PGAP4: variants seen among roughly 807,000 people sequenced by gnomAD.
PGAP4 encodes GPI-N-acetylgalactosamine transferase PGAP4.
A neutral mutation model predicts 28.2 loss-of-function variants in PGAP4; 12 were observed. The observed-to-expected ratio is 0.42, with a 90% CI of 0.27 to 0.69. PGAP4 has a LOEUF of 0.69. Among genes scored for constraint, PGAP4 ranks in the 30% least tolerant of loss-of-function variants. PGAP4 has a pLI of 0.22. For synonymous variants in PGAP4, 205 were observed against 211.8 expected, an observed-to-expected ratio of 0.97 and a Z score of 0.28; for missense variants, 425 against 513.5, an observed-to-expected ratio of 0.83 and a Z score of 1.67.
At chr9:101,479,061 T>C (rs1451344008) in intron 1 of PGAP4, among the ~76,000 whole-genome samples, 1 of 152,100 alleles carries the variant, frequency 6.6e-6, no homozygotes, top group Non-Finnish European at 1.5e-5. Flanking sequence ...CTAAGAGATC[T>C]GGATAGTACC....
At chr9:101,480,929 C>A (rs62575806) in intron 1 of PGAP4, among the ~76,000 whole-genome samples, 2 of 152,180 alleles carry the variant, frequency 1.3e-5, no homozygotes, top group African/African-American at 4.8e-5. Flanking sequence ...GTAATCCCAG[C>A]ACTTTAGGAG....
rs1826282335 is a variant in PGAP4, at chr9:101,475,839, CT to C, written c.*41del. 6 of 1,566,050 alleles carry C rather than the reference CT, an allele frequency of 3.8e-6. No individual in the cohort carries two copies. Among genetic ancestry groups the C allele is most frequent in the Non-Finnish European group, 5.2e-6 (6 of 1,151,252 alleles). On this transcript the variant is annotated 3_prime_UTR_variant, in exon 2 of 2. Transcript: ENST00000374848. ...TAAATAAAGAGATAAATATTTGAAT[CT>C]TCAAGAAGTGGCCAACTTCAGAAAG... is the stretch of plus-strand genomic sequence containing the variant.
Position 101,476,328 on chromosome 9 carries a change from G to A in PGAP4, c.765C>T (p.Ile255=), listed in dbSNP as rs1826307208. ...LYHPERLQHY[I]NPEPMRILEW... is the part of the protein sequence containing the mutation. ...CCAGGATCCGCATGGGCTCTGGATT[G>A]ATGTAGTGCTGGAGCCTCTCGGGGT... The change falls in exon 2 of 2, where the codon ATC becomes ATT. Residue 255 remains isoleucine (I), a synonymous_variant. Transcript: ENST00000374848. The surrounding 1 kb of genome is among the most constrained non-coding windows in gnomAD (Gnocchi z 7.0). 6.2e-7 allele frequency: 1 copy of A among 1,614,114 alleles called. No individual in the cohort carries two copies. The highest frequency in any genetic ancestry group is 1.3e-5 in the African/African-American group (1 of 75,034).
At chr9:101,481,611 A>C (rs1317215948) in intron 1 of PGAP4, 2 of 152,104 alleles carry the variant, frequency 1.3e-5, no homozygotes, top group Admixed American at 1.3e-4. Context: ...AAGGACACAG[A>C]CTCTGAGAAA....
At chr9:101,525,863 G>A (rs1443858031) in intron 2 of PGAP4, among the ~76,000 whole-genome samples, 2 of 152,052 alleles carry the variant, frequency 1.3e-5, no homozygotes, top group African/African-American at 2.4e-5. Context: ...TTCTATATTC[G>A]AGGACATTTC....
At chr9:101,528,562 T>G (rs550090128) in intron 2 of PGAP4, among the ~76,000 whole-genome samples, 1 of 152,292 alleles carries the variant, frequency 6.6e-6, no homozygotes, top group Admixed American at 6.5e-5. Context: ...GTGATGCTGT[T>G]CTTTCTCCTC....
At chr9:101,528,017 G>A (rs1159207962) in intron 2 of PGAP4, among the ~76,000 whole-genome samples, 1 of 152,196 alleles carries the variant, frequency 6.6e-6, no homozygotes, top group Non-Finnish European at 1.5e-5. Context: ...ATTAGGTACT[G>A]TTGCCCCAAA....
rs906548262 is a variant in PGAP4, at chr9:101,475,109, A to G, written c.*772T>C. On this transcript the variant is annotated 3_prime_UTR_variant, in exon 2 of 2. Transcript: ENST00000374848. ...CTTGTAAAGAGCTCCCCTATATTGT[A>G]TCATTCTGAAATGTCCAATTTTCAA... 6.6e-6 allele frequency: 1 copy of G among 151,724 alleles called. No homozygotes were observed. Among genetic ancestry groups the G allele is most frequent in the Non-Finnish European group, 1.5e-5 (1 of 68,016 alleles). 9.4% of individuals were successfully genotyped at this position (151,724 alleles called of 1,614,324 possible).
intron 1 of PGAP4, among the ~76,000 whole-genome samples, chr9:101,481,176 T>C (rs969167150): frequency 2.7e-4 from 41 of 152,234 alleles, no homozygotes; most frequent in African/African-American, 9.4e-4. Flanking sequence ...AAACCCTGTC[T>C]CAAACAAAAA....
chr9:101,525,801 T>G (rs1827031489), intron 2 of PGAP4, among the ~76,000 whole-genome samples: 1 of 152,144 alleles, frequency 6.6e-6, no homozygotes, highest in Non-Finnish European at 1.5e-5. Context: ...ATTCTTATAT[T>G]TCAGTGTTAA....
upstream of PGAP4, among the ~76,000 whole-genome samples, chr9:101,489,415 C>T (rs1826666246): frequency 6.6e-6 from 1 of 151,948 alleles, no homozygotes; most frequent in South Asian, 2.1e-4. Flanking sequence ...TTAAAGAAAA[C>T]CAATAAGGCA....
intron 2 of PGAP4, among the ~76,000 whole-genome samples, chr9:101,513,177 T>C: frequency 6.6e-6 from 1 of 152,120 alleles, no homozygotes; most frequent in East Asian, 1.9e-4. Context: ...GAGCAGTGGC[T>C]AATATCTTGC....
intron 2 of PGAP4, among the ~76,000 whole-genome samples, chr9:101,498,401 CAA>C (rs1484075039): frequency 6.6e-6 from 1 of 151,554 alleles, no homozygotes; most frequent in Non-Finnish European, 1.5e-5. Flanking sequence ...GCTAATCAGG[CAA>C]ACCTAAATTT....
chr9:101,488,756 G>A (rs148717430), upstream of PGAP4, among the ~76,000 whole-genome samples: 111 of 152,222 alleles, frequency 7.3e-4, 1 homozygote, highest in East Asian at 0.02. Flanking sequence ...CAGTCCCTCA[G>A]TAGCACTAGC....
intron 2 of PGAP4, among the ~76,000 whole-genome samples, chr9:101,521,548 A>C (rs1826988449): frequency 6.6e-6 from 1 of 152,064 alleles, no homozygotes. Context: ...CAGTGGTGTC[A>C]GTTGTAATAT....
intron 2 of PGAP4, among the ~76,000 whole-genome samples, chr9:101,516,349 T>A (rs961248727): frequency 2.0e-5 from 3 of 152,210 alleles, no homozygotes; most frequent in African/African-American, 7.2e-5. Context: ...CATTTTTATT[T>A]GCAATAGTAG....
intron 2 of PGAP4, among the ~76,000 whole-genome samples, chr9:101,521,937 T>G (rs1826991785): frequency 6.6e-6 from 1 of 152,170 alleles, no homozygotes; most frequent in African/African-American, 2.4e-5. Flanking sequence ...TTTCAAATAA[T>G]TTTTAAATTT....
intron 2 of PGAP4, among the ~76,000 whole-genome samples, chr9:101,497,059 T>C (rs1826758098): frequency 6.6e-6 from 1 of 150,816 alleles, no homozygotes; most frequent in African/African-American, 2.4e-5. Flanking sequence ...TGGAATAATC[T>C]ATCTCATTTA....
Position 101,473,557 on chromosome 9 carries a change from T to G in PGAP4, c.*2324A>C, listed in dbSNP as rs1265975572. ...TCCAAAGACAACTGGCAGAGTTCAC[T>G]CCATGGGGAAAAGGCATGTTAGTGT... On this transcript the variant is annotated 3_prime_UTR_variant, in exon 2 of 2. Coordinates refer to ENST00000374848, the MANE Select transcript of PGAP4 (RefSeq NM_032342.3). 1 of 152,272 alleles carries G rather than the reference T, an allele frequency of 6.6e-6. No individual in the cohort carries two copies. Among genetic ancestry groups the G allele is most frequent in the African/African-American group, 2.4e-5 (1 of 41,462 alleles). 9.4% of individuals were successfully genotyped at this position (152,272 alleles called of 1,614,324 possible). A position where few individuals can be genotyped will look rare whatever the true frequency, so the allele number is the denominator to read the frequency against.
Sources: allele counts gnomAD v4.1 joint callset (sites outside exome capture counted in the v4.1 genomes callset), GRCh38; gene constraint gnomAD v4.1.1; non-coding constraint Gnocchi (gnomAD v3.1); transcripts MANE v1.5; gene names NCBI Gene and HGNC (gene_info 2026-07-23, HGNC 2026-07-21).